DOK6: variants seen among roughly 807,000 people sequenced by gnomAD.
DOK6 encodes the protein downstream of tyrosine kinase 6.
A neutral mutation model predicts 44.0 loss-of-function variants in DOK6; 22 were observed. The ratio of observed to expected loss-of-function variants is 0.50; its 90% CI spans 0.36 to 0.71. DOK6 has a LOEUF of 0.71. DOK6 is among the 30% of genes least tolerant of loss of function. DOK6 has a pLI of 0.00. For missense variants in DOK6, 340 were observed against 416.4 expected, an observed-to-expected ratio of 0.82 and a Z score of 1.60; for synonymous variants, 166 against 145.5, an observed-to-expected ratio of 1.14 and a Z score of -1.01.
chr18:69,521,259 C>T (rs1255015640), intron 1 of DOK6, among the ~76,000 whole-genome samples: 1 of 151,610 alleles, frequency 6.6e-6, no homozygotes, highest in African/African-American at 2.4e-5. Context: ...GTAATATATA[C>T]TTATTTGTCA....
intron 3 of DOK6, among the ~76,000 whole-genome samples, chr18:69,603,494 G>A (rs1271359247): frequency 3.3e-5 from 5 of 152,216 alleles, no homozygotes; most frequent in East Asian, 1.9e-4. Flanking sequence ...GACATCTGCC[G>A]GGCGCTGTGG....
intron 7 of DOK6, among the ~76,000 whole-genome samples, chr18:69,814,918 TGA>T (rs1981352731): frequency 6.6e-6 from 1 of 152,104 alleles, no homozygotes; most frequent in Admixed American, 6.6e-5. Flanking sequence ...TAGCAGAGTT[TGA>T]GTGTCCAGAT....
In DOK6 at chr18:69,798,213, G is replaced by A. The variant is rs1454072850; in HGVS notation, c.856+40340G>A. On this transcript the variant is annotated intron_variant, in intron 7 of 7. Coordinates refer to ENST00000382713, the MANE Select transcript of DOK6 (RefSeq NM_152721.6). ...AAATGGGTCTAGGGATGCACACTTA[G>A]GTGGTAAAACAATGGAGAATTGCAA... Among the ~76,000 whole-genome samples, 11 of 152,024 alleles carry A rather than the reference G, an allele frequency of 7.2e-5. No homozygotes were observed. The East Asian group carries it at 9.6e-4, about 13-fold the overall frequency.
Position 69,844,251 on chromosome 18 carries a change from G to C in DOK6, c.*2868G>C, listed in dbSNP as rs1982299295. The C allele has an allele frequency of 6.6e-6, 1 of 152,086 alleles. No individual in the cohort carries two copies. Among genetic ancestry groups the C allele is most frequent in the Non-Finnish European group, 1.5e-5 (1 of 68,010 alleles). 9.4% of individuals were successfully genotyped at this position (152,086 alleles called of 1,614,324 possible). ...TTACTATGAACCAAAGATATCTTTT[G>C]GCTCCTTCTGAAAGTGACTCAGTTT... On this transcript the variant is annotated 3_prime_UTR_variant, in exon 8 of 8. Transcript: ENST00000382713.
intron 5 of DOK6, among the ~76,000 whole-genome samples, chr18:69,709,885 TAA>T (rs1480494118): frequency 2.0e-5 from 3 of 152,218 alleles, no homozygotes; most frequent in African/African-American, 7.2e-5. Context: ...TAAAAAATTA[TAA>T]ACTTACTGGC....
intron 7 of DOK6, among the ~76,000 whole-genome samples, chr18:69,824,279 G>A (rs987621914): frequency 7.1e-6 from 1 of 141,450 alleles, no homozygotes. Context: ...CCCACCTATG[G>A]ATGAGAACAT....
At position 69,718,838 on chromosome 18, in the gene DOK6, A is replaced by G. The variant is rs528808445; in HGVS notation, c.600-20127A>G. On this transcript the variant is annotated intron_variant, in intron 5 of 7. Coordinates refer to ENST00000382713, the MANE Select transcript of DOK6 (RefSeq NM_152721.6). Reference sequence around the variant, plus strand: ...AACCATTGACCTGGATAAATACTGGAAAAGAGAATCAAGATGACCATGCAA... The same window carrying G: ...AACCATTGACCTGGATAAATACTGGGAAAGAGAATCAAGATGACCATGCAA... Among the ~76,000 whole-genome samples, 4 of 152,278 alleles carry G rather than the reference A, an allele frequency of 2.6e-5. No homozygotes were observed. The East Asian group carries it at 7.7e-4, about 29-fold the overall frequency.
chr18:69,478,048 T>C (rs1980315946), intron 1 of DOK6, among the ~76,000 whole-genome samples: 1 of 152,308 alleles, frequency 6.6e-6, no homozygotes, highest in Non-Finnish European at 1.5e-5. Flanking sequence ...ATTACACTAA[T>C]ATTACCTTAA....
At chr18:69,774,685 A>T (rs940755142) in intron 7 of DOK6, among the ~76,000 whole-genome samples, 2 of 151,932 alleles carry the variant, frequency 1.3e-5, no homozygotes, top group Non-Finnish European at 2.9e-5. Flanking sequence ...GAGAGATGTT[A>T]AGGAGATGGG....
chr18:69,600,456 T>A (rs1169944986), intron 3 of DOK6, among the ~76,000 whole-genome samples: 1 of 152,148 alleles, frequency 6.6e-6, no homozygotes, highest in African/African-American at 2.4e-5. Context: ...TCACTTGCCA[T>A]CTGACCTCCT....
chr18:69,695,122 T>C (rs1400801593), intron 4 of DOK6, among the ~76,000 whole-genome samples: 4 of 152,260 alleles, frequency 2.6e-5, no homozygotes, highest in African/African-American at 9.6e-5. Flanking sequence ...TCTCTAATAC[T>C]GCTACTTCCC....
At chr18:69,680,495 A>C (rs1165918306) in intron 4 of DOK6, among the ~76,000 whole-genome samples, 1 of 152,200 alleles carries the variant, frequency 6.6e-6, no homozygotes, top group Non-Finnish European at 1.5e-5. Context: ...AGAACTTTTT[A>C]AAATTTGCAT....
intron 3 of DOK6, among the ~76,000 whole-genome samples, chr18:69,658,266 T>G (rs1309147179): frequency 6.6e-6 from 1 of 152,142 alleles, no homozygotes; most frequent in Non-Finnish European, 1.5e-5. Flanking sequence ...GTTAAGAGCA[T>G]AGACTGGGGC....
At chr18:69,416,166 GA>G (rs1978336813) in intron 1 of DOK6, among the ~76,000 whole-genome samples, 1 of 72,680 alleles carries the variant, frequency 1.4e-5, no homozygotes, top group African/African-American at 6.0e-5. Flanking sequence ...GGGAAGGAAG[GA>G]AGGAAGGAAG....
intron 1 of DOK6, among the ~76,000 whole-genome samples, chr18:69,457,356 C>T (rs868048409): frequency 1.3e-5 from 2 of 152,168 alleles, no homozygotes; most frequent in South Asian, 4.1e-4. Context: ...TAGTTTCATT[C>T]TTCTGCATAT....
intron 7 of DOK6, among the ~76,000 whole-genome samples, chr18:69,830,928 C>CTAAT (rs1340798288): frequency 6.6e-6 from 1 of 152,064 alleles, no homozygotes; most frequent in Non-Finnish European, 1.5e-5. Flanking sequence ...CTCTGAGCTT[C>CTAAT]TAATTTATTT....
In DOK6 at chr18:69,550,772, T is replaced by G. The variant is rs1461967695; in HGVS notation, c.67-13715T>G. The stretch of plus-strand genomic sequence containing the variant: ...ATTTGTTTGTTTTGTTGTTGTTGTT[T>G]CTTTCTTTTTTTTTTTTTTTTTTTT... On this transcript the variant is annotated intron_variant, in intron 1 of 7. Coordinates refer to ENST00000382713, the MANE Select transcript of DOK6 (RefSeq NM_152721.6). Among the ~76,000 whole-genome samples, 4 of 87,038 alleles carry G rather than the reference T, an allele frequency of 4.6e-5. No homozygotes were observed. In the Admixed American group the frequency reaches 7.3e-4, roughly 16 times the overall value. 57.1% of individuals were successfully genotyped at this position (87,038 alleles called of 152,430 possible).
intron 1 of DOK6, among the ~76,000 whole-genome samples, chr18:69,459,268 A>C (rs1302840951): frequency 6.6e-6 from 1 of 151,274 alleles, no homozygotes; most frequent in Non-Finnish European, 1.5e-5. Context: ...TCCAAACTCA[A>C]TAAATTAAAT....
intron 1 of DOK6, among the ~76,000 whole-genome samples, chr18:69,410,928 G>C (rs1978303271): frequency 6.6e-6 from 1 of 152,108 alleles, no homozygotes; most frequent in Non-Finnish European, 1.5e-5. Flanking sequence ...GGCTGTGAAA[G>C]ACAGTTGCTA....
Sources: allele counts gnomAD v4.1 joint callset (sites outside exome capture counted in the v4.1 genomes callset), GRCh38; gene constraint gnomAD v4.1.1; transcripts MANE v1.5; gene names NCBI Gene and HGNC (gene_info 2026-07-23, HGNC 2026-07-21).